The following ZNF668 variants were observed in gnomAD, a reference collection of about 807,000 sequenced individuals.
ZNF668 encodes the protein zinc finger protein 668.
Under a neutral mutation model 40.3 loss-of-function variants are expected in ZNF668, and 10 were observed. That is an observed-to-expected ratio of 0.25 (90% CI 0.15 to 0.42). The LOEUF (loss-of-function observed/expected upper bound fraction) is 0.42, where lower values mean the gene tolerates loss of function less well. Ranked by LOEUF, ZNF668 falls within the 10% of genes least tolerant of loss-of-function variation. The pLI, the probability that ZNF668 is intolerant of heterozygous loss-of-function variation, is 1.00. For synonymous variants in ZNF668, 428 were observed against 384.6 expected (o/e 1.11, Z -1.32); for missense variants, 749 against 904.6 (o/e 0.83, Z 2.21).
At chr16:31,065,223 A>G (rs2143768109) in intron 1 of ZNF668, 1 of 816,162 alleles carries the variant, frequency 1.2e-6, no homozygotes, top group South Asian at 5.5e-5. Flanking sequence ...CTGATCTAAC[A>G]TGGCCTCCTG....
intron 1 of ZNF668, among the ~76,000 whole-genome samples, chr16:31,069,961 A>T (rs1379411383): frequency 6.6e-6 from 1 of 151,906 alleles, no homozygotes; most frequent in African/African-American, 2.4e-5. Flanking sequence ...TTTTTAGTAG[A>T]GACAGGGTCT....
Position 31,061,262 on chromosome 16 carries a change from G to C in ZNF668, c.1666C>G (p.Arg556Gly). 43 of 1,550,180 alleles carry C rather than the reference G, an allele frequency of 2.8e-5. No homozygotes were observed. The highest frequency in any genetic ancestry group is 3.3e-5 in the Non-Finnish European group (38 of 1,148,054). ...CTQCGKSFSD[R>G]AGLRKHSRTH... ...CGGCTGTGTTTGCGCAGCCCAGCCC[G>C]GTCAGAGAAGCTCTTGCCGCACTGG... Residue 556 changes from arginine to glycine, a missense_variant, in exon 3 of 3, where the codon CGG (arginine) becomes GGG (glycine). Coordinates refer to ENST00000300849, the MANE Select transcript of ZNF668 (RefSeq NM_024706.5). This position sits in a 1 kb window ranked among gnomAD's most constrained non-coding sequence, Gnocchi z 7.7.
chr16:31,061,442 C>A lies in ZNF668; in HGVS notation c.1486G>T (p.Gly496Cys). 1 of 1,613,870 alleles carries A rather than the reference C, an allele frequency of 6.2e-7. No homozygotes were observed. The change falls in exon 3 of 3, where the codon GGT (glycine) becomes TGT (cysteine). Residue 496 changes from glycine (G) to cysteine (C), a missense_variant. By Grantham distance (159) the Gly-to-Cys change is radical. This residue lies in a region of ZNF668 where 310 missense variants were observed against 355.1 expected (regional missense o/e 0.87). Transcript: ENST00000300849. The surrounding 1 kb of genome is among the most constrained non-coding windows in gnomAD (Gnocchi z 7.7). ...GCCTCGCCTGCCCCTTCCAAGGGAC[C>A]AGGAGCCTCCCGGACACCAGCATCT... ...CQDAGVREAP[G>C]PLEGAGEAGG...
rs754539628 is a variant in ZNF668, at chr16:31,063,806, C to T, written c.647+7G>A. 5.8e-6 allele frequency: 9 copies of T among 1,554,096 alleles called. No homozygotes were observed. The highest frequency in any genetic ancestry group is 1.4e-5 in the African/African-American group (1 of 73,592). On this transcript the variant is annotated splice_region_variant and intron_variant, in intron 2 of 2. Transcript: ENST00000300849. The stretch of plus-strand genomic sequence containing the variant: ...GGAAGGCGCCCTGCCCCGGAAGGCA[C>T]CCTCACCGCTCATGGTTGCGGAGGT...
At chr16:31,068,265 T>A (rs1241547265) in intron 1 of ZNF668, among the ~76,000 whole-genome samples, 8 of 90,016 alleles carry the variant, frequency 8.9e-5, no homozygotes, top group Non-Finnish European at 1.3e-4. Context: ...TATATATATA[T>A]AATTTTTGAG....
In ZNF668 at chr16:31,061,129, G is replaced by T; in HGVS notation, c.1799C>A (p.Thr600Asn). The T allele has an allele frequency of 6.6e-7, 1 of 1,510,630 alleles. No individual in the cohort carries two copies. The allele number at this position is 1,510,630 out of a possible 1,614,324, so 93.6% of individuals were successfully genotyped here. A position where few individuals can be genotyped will look rare whatever the true frequency, so the allele number is the denominator to read the frequency against. ...CACCAGGGGCTCCAGGGGTGTGGGG[G>T]TCCCCATGGGCACAGGGTGGGTGCG... ...HERTHPVPMG[T>N]PTPLEPLVAL... The change falls in exon 3 of 3, where the codon ACC becomes AAC. Residue 600 changes from threonine (T) to asparagine (N), a missense_variant. Thr to Asn is a moderately conservative substitution (Grantham distance 65, BLOSUM62 0). Around this residue, in one of 4 missense-constraint regions of ZNF668, gnomAD observed 310 missense variants for 355.1 expected, o/e 0.87. Transcript: ENST00000300849. This position sits in a 1 kb window ranked among gnomAD's most constrained non-coding sequence, Gnocchi z 7.7.
In ZNF668 at chr16:31,061,716, C is replaced by A. The variant is rs201025557; in HGVS notation, c.1212G>T (p.Ser404=). ...TCCGCTCGTGCTTCCTCAGGCTCGA[C>A]GACACCACAAAGGATTTCCCACATG... ...CNACGKSFVV[S]SSLRKHERTH... Residue 404 remains serine, a synonymous_variant, in exon 3 of 3, where the codon TCG becomes TCT. Coordinates refer to ENST00000300849, the MANE Select transcript of ZNF668 (RefSeq NM_024706.5). The surrounding 1 kb of genome is among the most constrained non-coding windows in gnomAD (Gnocchi z 7.7). 2.5e-5 allele frequency: 41 copies of A among 1,613,652 alleles called. No individual in the cohort carries two copies. The highest frequency in any genetic ancestry group is 3.5e-5 in the Non-Finnish European group (41 of 1,179,908).
rs1027409880 is a variant in ZNF668 at position 31,073,879 on chromosome 16, A to T, written c.-243T>A. 1 of 152,156 alleles carries T rather than the reference A, an allele frequency of 6.6e-6. No homozygotes were observed. Among genetic ancestry groups the T allele is most frequent in the Admixed American group, 6.5e-5 (1 of 15,278 alleles). The allele number at this position is 152,156 out of a possible 1,614,324, so 9.4% of individuals were successfully genotyped here. On this transcript the variant is annotated 5_prime_UTR_variant, in exon 1 of 3. Transcript: ENST00000300849. Reference sequence around the variant, plus strand: ...TGGCGGCAGAGAAGCATCTTGCAAGAGGTCTCTGTGTGTGCTGAGGCAAGG... The same window carrying T: ...TGGCGGCAGAGAAGCATCTTGCAAGTGGTCTCTGTGTGTGCTGAGGCAAGG...
At position 31,061,755 on chromosome 16, in the gene ZNF668, G is replaced by A. The variant is rs989780857; in HGVS notation, c.1173C>T (p.Pro391=). 2.5e-6 allele frequency: 4 copies of A among 1,613,210 alleles called. No individual in the cohort carries two copies. The highest frequency in any genetic ancestry group is 2.5e-6 in the Non-Finnish European group (3 of 1,179,920). The part of the protein sequence containing the change: ...KHSRVHSGER[P]FHCNACGKSF... Reference sequence around the variant, plus strand: ...ATTTCCCACATGCGTTACAGTGGAAGGGGCGCTCCCCCGAGTGCACCCGGC... The same window carrying A: ...ATTTCCCACATGCGTTACAGTGGAAAGGGCGCTCCCCCGAGTGCACCCGGC... The change falls in exon 3 of 3, where the codon CCC becomes CCT. Residue 391 remains proline, a synonymous_variant. Transcript: ENST00000300849. The surrounding 1 kb of genome is among the most constrained non-coding windows in gnomAD (Gnocchi z 7.7).
rs187868926 is a variant in ZNF668 at position 31,072,353 on chromosome 16, A to C, written c.-23+1306T>G. On this transcript the variant is annotated intron_variant, in intron 1 of 2. Coordinates refer to ENST00000300849, the MANE Select transcript of ZNF668 (RefSeq NM_024706.5). ...CTCCTCCACAGTAGGAGTTTGTGAG[A>C]ATGTCCACCAATAACTGTTTATTAA... Among the ~76,000 whole-genome samples the C allele has an allele frequency of 9.8e-5, 15 of 152,326 alleles. No homozygotes were observed. The East Asian group carries it at 2.7e-3, about 27-fold the overall frequency.
intron 1 of ZNF668, chr16:31,072,801 C>G (rs2057025451): frequency 6.6e-6 from 1 of 152,478 alleles, no homozygotes; most frequent in South Asian, 2.1e-4. Context: ...CCTCCAGCCA[C>G]AATTCTCAAT....
rs1293444313 is a variant in ZNF668 at position 31,060,991 on chromosome 16, A to C, written c.*77T>G. The C allele has an allele frequency of 7.2e-7, 1 of 1,396,922 alleles. No individual in the cohort carries two copies. Among genetic ancestry groups the C allele is most frequent in the East Asian group, 2.6e-5 (1 of 38,624 alleles). The allele number at this position is 1,396,922 out of a possible 1,614,324, so 86.5% of individuals were successfully genotyped here. ...TAGGGATCTGGAGTCTAAAGAGCAG[A>C]GCCAGGCAAAAGGAGGTACAGGAAG... On this transcript the variant is annotated 3_prime_UTR_variant, in exon 3 of 3. Coordinates refer to ENST00000300849, the MANE Select transcript of ZNF668 (RefSeq NM_024706.5).
chr16:31,065,453 G>C (rs1180682148), intron 1 of ZNF668: 1 of 152,586 alleles, frequency 6.6e-6, no homozygotes, highest in East Asian at 1.9e-4. Flanking sequence ...TCTGAGGAGT[G>C]GGGGCTGCAG....
chr16:31,067,308 G>A (rs1202349833), intron 1 of ZNF668, among the ~76,000 whole-genome samples: 1 of 152,176 alleles, frequency 6.6e-6, no homozygotes. Flanking sequence ...AACTCCTTAT[G>A]TGTATTAGCT....
intron 2 of ZNF668, 55 bp downstream of exon 2, chr16:31,063,758 C>T (rs2056954976): frequency 1.4e-6 from 2 of 1,459,946 alleles, no homozygotes; most frequent in South Asian, 1.4e-5. Context: ...CCATTGGCTG[C>T]AGCAACGCTG....
intron 1 of ZNF668, among the ~76,000 whole-genome samples, chr16:31,066,713 A>G (rs966880268): frequency 2.6e-5 from 4 of 151,818 alleles, no homozygotes; most frequent in Admixed American, 6.6e-5. Flanking sequence ...CAATCAATCA[A>G]TCAATCAATA....
At chr16:31,071,543 C>T (rs2057015710) in intron 1 of ZNF668, among the ~76,000 whole-genome samples, 1 of 152,224 alleles carries the variant, frequency 6.6e-6, no homozygotes, top group Non-Finnish European at 1.5e-5. Flanking sequence ...ACTTCAGCCT[C>T]AAACTCCTGC....
chr16:31,066,475 T>G (rs2056982370), intron 1 of ZNF668: 1 of 682,826 alleles, frequency 1.5e-6, no homozygotes, highest in Non-Finnish European at 1.8e-6. Flanking sequence ...GAGGATCCTG[T>G]GAACCCAGGG....
chr16:31,061,759 C>A lies in ZNF668; in HGVS notation c.1169G>T (p.Arg390Leu). 6.2e-7 allele frequency: 1 copy of A among 1,613,028 alleles called. No individual in the cohort carries two copies. The highest frequency in any genetic ancestry group is 8.5e-7 in the Non-Finnish European group (1 of 1,179,880). Residue 390 changes from arginine (R) to leucine (L), a missense_variant, in exon 3 of 3, where the codon CGC becomes CTC. By Grantham distance (102) the Arg-to-Leu change is moderately radical (BLOSUM62 -2). This residue lies in a region of ZNF668 where 310 missense variants were observed against 355.1 expected (regional missense o/e 0.87). Coordinates refer to ENST00000300849, the MANE Select transcript of ZNF668 (RefSeq NM_024706.5). This position sits in a 1 kb window ranked among gnomAD's most constrained non-coding sequence, Gnocchi z 7.7. ...TKHSRVHSGE[R>L]PFHCNACGKS... Reference sequence around the variant, plus strand: ...CCCACATGCGTTACAGTGGAAGGGGCGCTCCCCCGAGTGCACCCGGCTATG... The same window carrying A: ...CCCACATGCGTTACAGTGGAAGGGGAGCTCCCCCGAGTGCACCCGGCTATG...
Sources: allele counts gnomAD v4.1 joint callset (sites outside exome capture counted in the v4.1 genomes callset), GRCh38; gene constraint gnomAD v4.1.1; regional missense constraint gnomAD v4.1.1; non-coding constraint Gnocchi (gnomAD v3.1); transcripts MANE v1.5; gene names NCBI Gene and HGNC (gene_info 2026-07-23, HGNC 2026-07-21).